WDR70: variants seen among roughly 807,000 people sequenced by gnomAD.
WDR70 encodes the protein WD repeat-containing protein 70.
In WDR70, 53 loss-of-function variants were observed where a neutral mutation model predicts 88.6. The observed-to-expected ratio is 0.60, with a 90% CI of 0.48 to 0.75. The LOEUF (loss-of-function observed/expected upper bound fraction) is 0.75, where lower values mean the gene tolerates loss of function less well. WDR70 is among the 30% of genes least tolerant of loss of function. WDR70 has a pLI of 0.00. For synonymous variants in WDR70, 280 were observed against 270.0 expected (o/e 1.04, Z -0.36); for missense variants, 610 against 823.2 (o/e 0.74, Z 3.17).
At chr5:37,444,039 C>T (rs71619864) in intron 7 of WDR70, among the ~76,000 whole-genome samples, 1 of 151,590 alleles carries the variant, frequency 6.6e-6, no homozygotes, top group African/African-American at 2.4e-5. Context: ...ATCCCAGCTA[C>T]TTCGGAGGCT....
At chr5:37,702,719 C>T (rs993399732) in intron 12 of WDR70, among the ~76,000 whole-genome samples, 3 of 151,992 alleles carry the variant, frequency 2.0e-5, no homozygotes, top group Admixed American at 6.6e-5. Context: ...CTTTTGTTGC[C>T]GTGTGCAAGG....
Position 37,604,688 on chromosome 5 carries a change from G to A in WDR70, c.918-376G>A, listed in dbSNP as rs184163747. 3.6e-3 allele frequency among the ~76,000 whole-genome samples: 549 copies of A among 152,302 alleles called. 6 individuals carry two copies. Among genetic ancestry groups the A allele is most frequent in the African/African-American group, 0.013 (529 of 41,562 alleles). On this transcript the variant is annotated intron_variant, in intron 9 of 17. Coordinates refer to ENST00000265107, the MANE Select transcript of WDR70 (RefSeq NM_018034.4). Reference sequence around the variant, plus strand: ...TGTTAAAAACAGTGCATTAACACATGTAAGTGATTTACAAATACCTGCCTA... The same window carrying A: ...TGTTAAAAACAGTGCATTAACACATATAAGTGATTTACAAATACCTGCCTA...
At chr5:37,647,429 A>AT (rs948569070) in intron 10 of WDR70, among the ~76,000 whole-genome samples, 8 of 151,498 alleles carry the variant, frequency 5.3e-5, no homozygotes, top group African/African-American at 1.2e-4. Context: ...ATGCTTGGGG[A>AT]TTTTTTTTGG....
chr5:37,448,197 A>G (rs1296233014), intron 7 of WDR70, among the ~76,000 whole-genome samples: 1 of 152,068 alleles, frequency 6.6e-6, no homozygotes, highest in East Asian at 1.9e-4. Flanking sequence ...TCAATGTTTA[A>G]ATTGTCCTAG....
intron 10 of WDR70, among the ~76,000 whole-genome samples, chr5:37,610,265 C>CAA (rs869283967): frequency 2.1e-3 from 166 of 79,292 alleles, no homozygotes; most frequent in African/African-American, 2.8e-3. Context: ...GACTCCGTCT[C>CAA]AAAAAAAAAA....
intron 8 of WDR70, among the ~76,000 whole-genome samples, chr5:37,485,434 T>C (rs1049313748): frequency 1.5e-4 from 23 of 152,318 alleles, no homozygotes; most frequent in Non-Finnish European, 2.9e-4. Flanking sequence ...GGTATCCTTT[T>C]TGTGGTCTAT....
intron 9 of WDR70, among the ~76,000 whole-genome samples, chr5:37,602,982 A>T (rs548837277): frequency 6.6e-6 from 1 of 152,316 alleles, no homozygotes; most frequent in South Asian, 2.1e-4. Context: ...CTTAAAAAAA[A>T]ATAAAAAAAA....
chr5:37,473,948 A>G (rs905755292), intron 7 of WDR70, among the ~76,000 whole-genome samples: 2 of 152,238 alleles, frequency 1.3e-5, no homozygotes, highest in African/African-American at 4.8e-5. Flanking sequence ...TTTTTGTAAT[A>G]TATGCATTTA....
chr5:37,443,991 A>C (rs1738377304), intron 7 of WDR70, among the ~76,000 whole-genome samples: 1 of 151,246 alleles, frequency 6.6e-6, no homozygotes, highest in Non-Finnish European at 1.5e-5. Context: ...TCTACTAAAA[A>C]TATAAAAACA....
At chr5:37,600,607 A>G (rs1028783589) in intron 9 of WDR70, among the ~76,000 whole-genome samples, 9 of 152,110 alleles carry the variant, frequency 5.9e-5, no homozygotes, top group Non-Finnish European at 1.0e-4. Context: ...ATTTGAGTAC[A>G]TATTTCACTA....
At chr5:37,412,741 C>T (rs991590782) in intron 5 of WDR70, among the ~76,000 whole-genome samples, 8 of 152,166 alleles carry the variant, frequency 5.3e-5, no homozygotes. Flanking sequence ...CATCTCATCC[C>T]CTTGGCCTTG....
chr5:37,637,030 T>C (rs913627557), intron 10 of WDR70, among the ~76,000 whole-genome samples: 1 of 152,140 alleles, frequency 6.6e-6, no homozygotes, highest in African/African-American at 2.4e-5. Flanking sequence ...TTTTGGTAAG[T>C]CTAAAATTGT....
chr5:37,413,647 G>A (rs566626351), intron 5 of WDR70, among the ~76,000 whole-genome samples: 2 of 151,738 alleles, frequency 1.3e-5, no homozygotes, highest in African/African-American at 4.8e-5. Flanking sequence ...TTTTGAACCA[G>A]GGAGGCGGAG....
At chr5:37,413,264 G>T (rs1220819647) in intron 5 of WDR70, among the ~76,000 whole-genome samples, 1 of 151,666 alleles carries the variant, frequency 6.6e-6, no homozygotes, top group Non-Finnish European at 1.5e-5. Flanking sequence ...TATAGTGGAA[G>T]GAAAAAAAAG....
chr5:37,537,820 G>A (rs10057290), intron 9 of WDR70, among the ~76,000 whole-genome samples: 6,611 of 152,152 alleles, frequency 0.043, 486 homozygotes, highest in African/African-American at 0.15. Context: ...TGGTATATTT[G>A]TTACTTTCCT....
In WDR70 at chr5:37,633,236, C is replaced by T. The variant is rs375791489; in HGVS notation, c.1092+27998C>T. Reference sequence around the variant, plus strand: ...GGAGTGACTACCAGAGTTTTTTCCCCTTCACTATATTTCCAAATGCTATCT... The same window carrying T: ...GGAGTGACTACCAGAGTTTTTTCCCTTTCACTATATTTCCAAATGCTATCT... On this transcript the variant is annotated intron_variant, in intron 10 of 17. Coordinates refer to ENST00000265107, the MANE Select transcript of WDR70 (RefSeq NM_018034.4). 3.9e-5 allele frequency among the ~76,000 whole-genome samples: 6 copies of T among 152,210 alleles called. No homozygotes were observed. The East Asian group carries it at 9.6e-4, about 24-fold the overall frequency.
At chr5:37,413,592 G>C (rs559058496) in intron 5 of WDR70, among the ~76,000 whole-genome samples, 1 of 151,922 alleles carries the variant, frequency 6.6e-6, no homozygotes, top group South Asian at 2.1e-4. Context: ...ATGGTGGCGT[G>C]TGCCTGTGAT....
chr5:37,557,223 T>G (rs1359576877), intron 9 of WDR70, among the ~76,000 whole-genome samples: 1 of 112,474 alleles, frequency 8.9e-6, no homozygotes, highest in Non-Finnish European at 1.7e-5. Flanking sequence ...GAAGTTCATT[T>G]AAAAAAATGA....
At chr5:37,398,532 G>A (rs572507390) in intron 5 of WDR70, among the ~76,000 whole-genome samples, 38 of 152,246 alleles carry the variant, frequency 2.5e-4, no homozygotes, top group African/African-American at 8.9e-4. Flanking sequence ...TATTCTTTGC[G>A]TATTCCTTCT....
Sources: gnomAD v4.1 joint callset for allele counts (sites outside exome capture counted in the v4.1 genomes callset) on GRCh38, gnomAD v4.1.1 for gene constraint, MANE v1.5 for transcripts, NCBI Gene and HGNC (gene_info 2026-07-23, HGNC 2026-07-21) for gene names.